The following C6orf132 variants were observed in gnomAD, a reference collection of about 807,000 sequenced individuals.
The protein encoded by C6orf132 is chromosome 6 open reading frame 132.
Under a neutral mutation model 65.3 loss-of-function variants are expected in C6orf132, and 43 were observed. The ratio of observed to expected loss-of-function variants is 0.66; its 90% CI spans 0.52 to 0.85. The LOEUF (loss-of-function observed/expected upper bound fraction) is 0.85. Among genes scored for constraint, C6orf132 ranks in the 40% least tolerant of loss-of-function variants. C6orf132 has a pLI of 0.00. For missense variants in C6orf132, 1,488 were observed against 1,548.8 expected (o/e 0.96, Z 0.66); for synonymous variants, 631 against 654.1 (o/e 0.96, Z 0.54).
chr6:42,115,537 TCGGGAGGCTGAGG>T (rs1366797874), intron 2 of C6orf132, among the ~76,000 whole-genome samples: 1 of 151,460 alleles, frequency 6.6e-6, no homozygotes, highest in Non-Finnish European at 1.5e-5. Context: ...TCCCAGCTAC[TCGGGAGGCTGAGG>T]CAGGAGAATG....
intron 1 of C6orf132, among the ~76,000 whole-genome samples, chr6:42,132,530 G>T (rs115712030): frequency 0.3 from 43,411 of 146,726 alleles, 6,726 homozygotes; most frequent in Middle Eastern, 0.43. Context: ...ATAATAAGAA[G>T]AAGAAGAAGA....
chr6:42,122,977 C>T lies in C6orf132; in HGVS notation c.252+5695G>A, dbSNP rs188204645. On this transcript the variant is annotated intron_variant, in intron 2 of 4. Coordinates refer to ENST00000341865, the MANE Select transcript of C6orf132 (RefSeq NM_001164446.3). ...CACACTGGCATTTAATTTTTAATTC[C>T]TCATATGCATCACCCTGGCGATGGC... is the stretch of plus-strand genomic sequence containing the variant. Among the ~76,000 whole-genome samples, 254 of 152,318 alleles carry T rather than the reference C, an allele frequency of 1.7e-3. 2 individuals carry two copies. Among genetic ancestry groups the T allele is most frequent in the African/African-American group, 5.5e-3 (228 of 41,570 alleles).
chr6:42,116,775 C>T (rs184923827), intron 2 of C6orf132, among the ~76,000 whole-genome samples: 35 of 152,254 alleles, frequency 2.3e-4, no homozygotes, highest in Non-Finnish European at 4.1e-4. Context: ...TGTCTTTTTC[C>T]TATCCCACTG....
intron 1 of C6orf132, among the ~76,000 whole-genome samples, chr6:42,132,120 C>G (rs1766862452): frequency 6.6e-6 from 1 of 152,186 alleles, no homozygotes; most frequent in Non-Finnish European, 1.5e-5. Context: ...TCTCCTGGAG[C>G]CTCCAGAGGA....
In C6orf132 at chr6:42,101,932, CT is replaced by C. The variant is rs1336108538; in HGVS notation, c.*1828del. On this transcript the variant is annotated 3_prime_UTR_variant, in exon 5 of 5. Transcript: ENST00000341865. Reference sequence around the variant, plus strand: ...TCTTCCCCCCAAAGGGAACTACTTTCTGGCTGGCCCCCACCAGCCTGCTCCT... The same window carrying C: ...TCTTCCCCCCAAAGGGAACTACTTTCGGCTGGCCCCCACCAGCCTGCTCCT... 2 of 152,264 alleles carry C rather than the reference CT, an allele frequency of 1.3e-5. No individual in the cohort carries two copies. The highest frequency in any genetic ancestry group is 2.9e-5 in the Non-Finnish European group (2 of 68,080). The allele number at this position is 152,264 out of a possible 1,614,324, so 9.4% of individuals were successfully genotyped here.
At chr6:42,126,871 C>G in intron 2 of C6orf132, 1 of 429,628 alleles carries the variant, frequency 2.3e-6, no homozygotes, top group Non-Finnish European at 4.1e-6. Flanking sequence ...AAGAATATTT[C>G]AAACAATTTT....
Position 42,105,325 on chromosome 6 carries a change from A to G in C6orf132, c.2587T>C (p.Ser863Pro). 1 of 1,536,880 alleles carries G rather than the reference A, an allele frequency of 6.5e-7. No individual in the cohort carries two copies. Among genetic ancestry groups the G allele is most frequent in the Non-Finnish European group, 8.7e-7 (1 of 1,146,858 alleles). Residue 863 changes from serine to proline, a missense_variant, in exon 4 of 5, where the codon TCT (serine) becomes CCT (proline). Physicochemically the swap from Ser to Pro is moderately conservative, Grantham distance 74 (BLOSUM62 -1). Coordinates refer to ENST00000341865, the MANE Select transcript of C6orf132 (RefSeq NM_001164446.3). ...TGGTCACGGAGACTTCCTGGCAGAG[A>G]GGACCGACCCAGGGCAGCCCCTACA... ...RSVGAALGRSSLPGSLRDHSH... is the reference protein window; with the variant it reads ...RSVGAALGRSPLPGSLRDHSH...
At chr6:42,113,624 G>A (rs1357933194) in intron 2 of C6orf132, among the ~76,000 whole-genome samples, 1 of 152,120 alleles carries the variant, frequency 6.6e-6, no homozygotes, top group Non-Finnish European at 1.5e-5. Context: ...AGACCAGCCT[G>A]GCCAACATGG....
At chr6:42,133,840 G>A (rs1464482640) in intron 1 of C6orf132, among the ~76,000 whole-genome samples, 3 of 100,134 alleles carry the variant, frequency 3.0e-5, no homozygotes, top group East Asian at 4.5e-4. Flanking sequence ...GGGGCGGGGC[G>A]GGGCGGGGGA....
chr6:42,133,130 CAGATCACAGGT>C (rs1766879795), intron 1 of C6orf132, among the ~76,000 whole-genome samples: 2 of 152,194 alleles, frequency 1.3e-5, no homozygotes, highest in East Asian at 3.9e-4. Flanking sequence ...GAACTTTGCT[CAGATCACAGGT>C]CAGGGATGCT....
At chr6:42,119,777 C>T (rs960887445) in intron 2 of C6orf132, among the ~76,000 whole-genome samples, 4 of 151,882 alleles carry the variant, frequency 2.6e-5, no homozygotes, top group Non-Finnish European at 4.4e-5. Flanking sequence ...TGAGCCACCT[C>T]ACCTGGCCAA....
chr6:42,123,558 GAGAAGA>G (rs576371995), intron 2 of C6orf132, among the ~76,000 whole-genome samples: 23 of 151,400 alleles, frequency 1.5e-4, no homozygotes, highest in Non-Finnish European at 2.7e-4. Context: ...GGAAGAGGAA[GAGAAGA>G]AGAAGAAGAA....
rs1414674252 is a variant in C6orf132 at position 42,106,588 on chromosome 6, T to C, written c.1324A>G (p.Lys442Glu). 1 of 1,535,606 alleles carries C rather than the reference T, an allele frequency of 6.5e-7. No individual in the cohort carries two copies. Residue 442 changes from lysine to glutamate, a missense_variant, in exon 4 of 5, where the codon AAA (lysine) becomes GAA (glutamate). Transcript: ENST00000341865. ...GGGCTGGGGGGGTTGGGTTTGGGTT[T>C]GAGAGCAGGAGAGCTGGATTTAGGG... ...KTPKSSSPAL[K>E]PKPNPPSPEN...
rs775103541 is a variant in C6orf132 at position 42,128,645 on chromosome 6, C to T, written c.252+27G>A. 2.5e-5 allele frequency: 38 copies of T among 1,534,828 alleles called. No homozygotes were observed. The South Asian group carries it at 3.8e-4, about 15-fold the overall frequency. ...GGTGTCCCCAGCCAGAGCAGACTCT[C>T]CAACCTCAGAGCAGAACCGTACTCA... On this transcript the variant is annotated intron_variant, in intron 2 of 4. Transcript: ENST00000341865.
At position 42,106,281 on chromosome 6, in the gene C6orf132, G is replaced by C; in HGVS notation, c.1631C>G (p.Pro544Arg). Residue 544 changes from proline to arginine, a missense_variant, in exon 4 of 5, where the codon CCC becomes CGC. Pro to Arg is a moderately radical substitution (Grantham distance 103). Transcript: ENST00000341865. Reference sequence around the variant, plus strand: ...GTCCACAGAGGGCAGGGTCAGGCTGGGGGCAGCCTCTGTCTCTGTCAGGCT... The same window carrying C: ...GTCCACAGAGGGCAGGGTCAGGCTGCGGGCAGCCTCTGTCTCTGTCAGGCT... The part of the protein sequence containing the change: ...GSSLTETEAA[P>R]SLTLPSVDYI... The C allele has an allele frequency of 6.5e-7, 1 of 1,536,906 alleles. No individual in the cohort carries two copies. Among genetic ancestry groups the C allele is most frequent in the Non-Finnish European group, 8.7e-7 (1 of 1,146,882 alleles).
At chr6:42,120,562 G>T (rs1766665257) in intron 2 of C6orf132, among the ~76,000 whole-genome samples, 1 of 141,218 alleles carries the variant, frequency 7.1e-6, no homozygotes, top group South Asian at 2.3e-4. Context: ...TCTTAACAAT[G>T]AACTTTTGTT....
intron 2 of C6orf132, among the ~76,000 whole-genome samples, chr6:42,127,281 A>G (rs992525705): frequency 5.9e-5 from 9 of 152,294 alleles, no homozygotes; most frequent in Non-Finnish European, 1.0e-4. Context: ...TGCACTTTCT[A>G]TATTTATCTA....
chr6:42,115,794 G>A (rs575622267), intron 2 of C6orf132, among the ~76,000 whole-genome samples: 1 of 152,040 alleles, frequency 6.6e-6, no homozygotes, highest in Admixed American at 6.5e-5. Context: ...GTAACCTCTA[G>A]ACATCACCTC....
intron 2 of C6orf132, among the ~76,000 whole-genome samples, chr6:42,113,237 T>C (rs991784312): frequency 5.9e-5 from 9 of 152,212 alleles, no homozygotes; most frequent in African/African-American, 2.2e-4. Context: ...AGATCTCTGA[T>C]TAATTTCAAC....
Sources: allele counts gnomAD v4.1 joint callset (sites outside exome capture counted in the v4.1 genomes callset), GRCh38; gene constraint gnomAD v4.1.1; transcripts MANE v1.5; gene names NCBI Gene and HGNC (gene_info 2026-07-23, HGNC 2026-07-21).